Variants in EML4 observed in about 807,000 individuals in gnomAD.
The protein encoded by EML4 is EMAP like 4, also known as echinoderm microtubule-associated protein-like 4.
A neutral mutation model predicts 129.0 loss-of-function variants in EML4; 72 were observed. The ratio of observed to expected loss-of-function variants is 0.56; its 90% CI spans 0.46 to 0.68. The LOEUF is 0.68. EML4 is among the 30% of genes least tolerant of loss of function. The pLI, the probability that EML4 is intolerant of heterozygous loss-of-function variation, is 0.00. For missense variants in EML4, 1,363 were observed against 1,190.6 expected (o/e 1.14, Z -2.13); for synonymous variants, 532 against 405.0 (o/e 1.31, Z -3.77).
intron 1 of EML4, among the ~76,000 whole-genome samples, chr2:42,189,028 G>A (rs1417563717): frequency 6.6e-6 from 1 of 152,078 alleles, no homozygotes; most frequent in Non-Finnish European, 1.5e-5. Context: ...GCTTTTCTGA[G>A]CCTTTTTGTT....
At chr2:42,291,529 G>C (rs1185127584) in intron 11 of EML4, among the ~76,000 whole-genome samples, 1 of 150,970 alleles carries the variant, frequency 6.6e-6, no homozygotes, top group African/African-American at 2.4e-5. Flanking sequence ...TCAGCTTCCT[G>C]AGTAGTTGGG....
At chr2:42,313,632 A>G (rs1354319748) in intron 17 of EML4, among the ~76,000 whole-genome samples, 1 of 152,200 alleles carries the variant, frequency 6.6e-6, no homozygotes, top group East Asian at 1.9e-4. Flanking sequence ...CTTTAAAATG[A>G]AAAGAAACTT....
intron 20 of EML4, 48 bp downstream of exon 20, chr2:42,325,602 T>TATATATATATATGCTATGATTATATA (rs1558614750): frequency 5.4e-5 from 7 of 129,340 alleles, no homozygotes; most frequent in Middle Eastern, 2.9e-3. Context: ...ATGATTATAT[T>TATATATATATATGCTATGATTATATA]TATATATATA....
In EML4 at chr2:42,295,576, C is replaced by T; in HGVS notation, c.1489+60C>T. 4 of 1,475,440 alleles carry T rather than the reference C, an allele frequency of 2.7e-6. No individual in the cohort carries two copies. The South Asian group carries it at 5.2e-5, about 19-fold the overall frequency. The allele number at this position is 1,475,440 out of a possible 1,614,324, so 91.4% of individuals were successfully genotyped here. A position where few individuals can be genotyped will look rare whatever the true frequency, so the allele number is the denominator to read the frequency against. On this transcript the variant is annotated intron_variant, in intron 13 of 22. Transcript: ENST00000318522. ...ATTCTCACATAGTACTCTTTCAGTC[C>T]CATCTCTTAGACCAGGAGAGAAAGA...
chr2:42,319,559 C>T (rs1296756208), intron 19 of EML4: 1 of 152,182 alleles, frequency 6.6e-6, no homozygotes, highest in East Asian at 1.9e-4. Context: ...TGCCTATTTC[C>T]ACCGGCTGGT....
intron 1 of EML4, among the ~76,000 whole-genome samples, chr2:42,217,632 A>C (rs941230996): frequency 2.6e-5 from 4 of 152,168 alleles, no homozygotes; most frequent in African/African-American, 9.7e-5. Context: ...CTTTCTGAGG[A>C]TTCTTAAAAT....
chr2:42,194,020 A>T (rs1437520789), intron 1 of EML4, among the ~76,000 whole-genome samples: 1 of 152,150 alleles, frequency 6.6e-6, no homozygotes, highest in Non-Finnish European at 1.5e-5. Context: ...ACATTACTTT[A>T]TTGTGAAATA....
intron 1 of EML4, among the ~76,000 whole-genome samples, chr2:42,220,117 GT>G (rs1180115161): frequency 6.6e-6 from 1 of 151,616 alleles, no homozygotes; most frequent in Non-Finnish European, 1.5e-5. Context: ...TCAAAAAATT[GT>G]TTTACTTATC....
At chr2:42,199,080 G>A (rs1672063948) in intron 1 of EML4, among the ~76,000 whole-genome samples, 1 of 152,178 alleles carries the variant, frequency 6.6e-6, no homozygotes, top group Non-Finnish European at 1.5e-5. Context: ...GGGAGAAAGT[G>A]GAAGAACATT....
At chr2:42,327,026 A>AC (rs1669847084) in intron 21 of EML4, among the ~76,000 whole-genome samples, 1 of 151,374 alleles carries the variant, frequency 6.6e-6, no homozygotes, top group African/African-American at 2.4e-5. Flanking sequence ...CCTCTACCCC[A>AC]CCCCCCAGCA....
chr2:42,306,732 C>T (rs1227269755), intron 17 of EML4, among the ~76,000 whole-genome samples: 1 of 151,466 alleles, frequency 6.6e-6, no homozygotes, highest in Non-Finnish European at 1.5e-5. Flanking sequence ...TCAATCTGAC[C>T]TCGTGATCCT....
chr2:42,325,149 G>A (rs893079167), intron 19 of EML4: 2 of 517,554 alleles, frequency 3.9e-6, no homozygotes, highest in South Asian at 1.4e-5. Context: ...CACCAGTGAC[G>A]TGAAATAAGG....
intron 1 of EML4, among the ~76,000 whole-genome samples, chr2:42,213,947 C>G (rs552227341): frequency 6.6e-6 from 1 of 151,932 alleles, no homozygotes; most frequent in Admixed American, 6.6e-5. Flanking sequence ...AAATTAATTC[C>G]ATCAACAGTT....
intron 2 of EML4, among the ~76,000 whole-genome samples, chr2:42,251,939 G>C (rs1675796473): frequency 6.6e-6 from 1 of 152,206 alleles, no homozygotes; most frequent in South Asian, 2.1e-4. Flanking sequence ...CACTAACATA[G>C]TCATCCCAAG....
chr2:42,203,488 A>G (rs1334590697), intron 1 of EML4, among the ~76,000 whole-genome samples: 1 of 152,326 alleles, frequency 6.6e-6, no homozygotes, highest in South Asian at 2.1e-4. Flanking sequence ...TAATATAACA[A>G]AGTTCACATG....
chr2:42,247,169 T>TG (rs1431548763), intron 2 of EML4, among the ~76,000 whole-genome samples: 1 of 151,870 alleles, frequency 6.6e-6, no homozygotes, highest in Non-Finnish European at 1.5e-5. Flanking sequence ...TACGGGGAAA[T>TG]GGGGTGGTAA....
chr2:42,212,661 T>C (rs533892019), intron 1 of EML4, among the ~76,000 whole-genome samples: 15 of 152,364 alleles, frequency 9.8e-5, no homozygotes, highest in Non-Finnish European at 1.5e-4. Context: ...ACAGATACAC[T>C]TACTGTATGT....
intron 1 of EML4, among the ~76,000 whole-genome samples, chr2:42,227,661 C>G (rs983487540): frequency 6.6e-6 from 1 of 152,164 alleles, no homozygotes; most frequent in East Asian, 1.9e-4. Context: ...CTGCCTCTGC[C>G]ACCCCTAAGG....
chr2:42,321,889 G>C (rs746595992), intron 19 of EML4, among the ~76,000 whole-genome samples: 2 of 152,244 alleles, frequency 1.3e-5, no homozygotes, highest in African/African-American at 4.8e-5. Flanking sequence ...ACAGGAAGCT[G>C]TGTGAAACAT....
Sources: allele counts gnomAD v4.1 joint callset (sites outside exome capture counted in the v4.1 genomes callset), GRCh38; gene constraint gnomAD v4.1.1; transcripts MANE v1.5; gene names NCBI Gene and HGNC (gene_info 2026-07-23, HGNC 2026-07-21).